SLC9A6: variants seen among roughly 807,000 people sequenced by gnomAD.
The protein encoded by SLC9A6 is sodium/hydrogen exchanger 6.
SLC9A6 carries 6 observed loss-of-function variants against 45.3 expected under a neutral mutation model. That is an observed-to-expected ratio of 0.13 (90% confidence interval 0.07 to 0.26). The LOEUF (loss-of-function observed/expected upper bound fraction) is 0.26, where lower values mean the gene tolerates loss of function less well. SLC9A6 is among the 10% of genes least tolerant of loss of function. The pLI, the probability that SLC9A6 is intolerant of heterozygous loss-of-function variation, is 1.00. For missense variants in SLC9A6, 278 were observed against 503.7 expected, an observed-to-expected ratio of 0.55 and a Z score of 4.29; for synonymous variants, 191 against 187.7, an observed-to-expected ratio of 1.02 and a Z score of -0.14.
intron 11 of SLC9A6, among the ~76,000 whole-genome samples, chrX:136,017,412 T>C (rs1286973538): frequency 3.8e-5 from 4 of 105,238 alleles, no homozygotes; most frequent in Non-Finnish European, 7.8e-5. Context: ...AGGGAGACCC[T>C]GTCTCAAAAA....
intron 13 of SLC9A6, among the ~76,000 whole-genome samples, chrX:136,028,370 C>T (rs782122565): frequency 4.5e-5 from 5 of 111,898 alleles, no homozygotes; most frequent in African/African-American, 1.6e-4. Context: ...GATAGAAGCC[C>T]TTAGGGATTA....
At chrX:136,013,085 C>T (rs782723303) in intron 9 of SLC9A6, 31 bp downstream of exon 9, 15 of 1,037,339 alleles carry the variant, frequency 1.4e-5, no homozygotes, top group Non-Finnish European at 2.0e-5. Context: ...GATTGTCAAC[C>T]CTTAAAAGGA....
At position 136,030,119 on chromosome X, in the gene SLC9A6, CTT is replaced by C; in HGVS notation, c.1551-11_1551-10del. The stretch of plus-strand genomic sequence containing the variant: ...CTTCAAAATCTCATTTGCTCTTTGT[CTT>C]TCTCCTTTAGGGTTGGTGTTGATTC... On this transcript the variant is annotated splice_polypyrimidine_tract_variant and intron_variant, in intron 14 of 17. Coordinates refer to ENST00000630721, the MANE Select transcript of SLC9A6 (RefSeq NM_001379110.1). The C allele has an allele frequency of 2.5e-6, 3 of 1,209,992 alleles. No individual in the cohort carries two copies. Among genetic ancestry groups the C allele is most frequent in the Non-Finnish European group, 3.4e-6 (3 of 893,804 alleles).
intron 7 of SLC9A6, among the ~76,000 whole-genome samples, chrX:136,004,080 CTTTTTTTTTTTT>C (rs782804669): frequency 1.2e-4 from 8 of 66,255 alleles, no homozygotes; most frequent in Non-Finnish European, 2.3e-4. Flanking sequence ...CCTCCCTAAT[CTTTTTTTTTTTT>C]TTTTTTTTTT....
intron 16 of SLC9A6, among the ~76,000 whole-genome samples, chrX:136,037,651 A>G (rs2071433780): frequency 8.9e-6 from 1 of 111,873 alleles, no homozygotes; most frequent in African/African-American, 3.2e-5. Flanking sequence ...GCTCACTGCA[A>G]CCTCTGCCTC....
At chrX:136,006,300 T>G (rs2089654467) in intron 7 of SLC9A6, among the ~76,000 whole-genome samples, 1 of 104,689 alleles carries the variant, frequency 9.6e-6, no homozygotes, top group African/African-American at 3.4e-5. Flanking sequence ...TTCTGTCTGG[T>G]TTTTTTTTTT....
intron 17 of SLC9A6, among the ~76,000 whole-genome samples, chrX:136,043,973 T>G (rs2071555765): frequency 9.0e-6 from 1 of 111,653 alleles, no homozygotes; most frequent in African/African-American, 3.3e-5. Context: ...CTAAGCCTCT[T>G]GAGGGCAGAT....
chrX:136,022,590 C>G lies in SLC9A6; in HGVS notation c.1199C>G (p.Ala400Gly). The G allele has an allele frequency of 8.6e-7, 1 of 1,158,803 alleles. No homozygotes were observed. Among genetic ancestry groups the G allele is most frequent in the Non-Finnish European group, 1.2e-6 (1 of 852,799 alleles). ...NPTFVVGAFV[A>G]IFLGRAANIY... ...TTAACCTATTAATAATTTTAGGTTG[C>G]TATTTTCTTGGGAAGAGCTGCCAAT... Residue 400 changes from alanine to glycine, a missense_variant, in exon 12 of 18, where the codon GCT becomes GGT. Physicochemically the swap from Ala to Gly is moderately conservative, Grantham distance 60. Transcript: ENST00000630721.
chrX:135,976,967 A>G (rs782414745), intron 1 of SLC9A6, among the ~76,000 whole-genome samples: 1 of 112,179 alleles, frequency 8.9e-6, no homozygotes, highest in Non-Finnish European at 1.9e-5. Flanking sequence ...GTGAGATTTT[A>G]ATTGTCTTTT....
At chrX:136,024,971 A>G (rs1483698423) in intron 13 of SLC9A6, among the ~76,000 whole-genome samples, 2 of 111,997 alleles carry the variant, frequency 1.8e-5, no homozygotes, top group African/African-American at 6.5e-5. Flanking sequence ...ACCACTGTGT[A>G]CTTGTTTGAT....
chrX:135,997,007 C>G (rs1446643751), intron 3 of SLC9A6, among the ~76,000 whole-genome samples: 1 of 110,891 alleles, frequency 9.0e-6, no homozygotes, highest in Non-Finnish European at 1.9e-5. Context: ...ACTTTGTGAT[C>G]CGCCCGCCTT....
Position 136,044,793 on chromosome X carries a change from A to G in SLC9A6, c.*69A>G, listed in dbSNP as rs1440110316. ...GATTGTGAAGAAATTTGTACTACCT[A>G]AAAGTCCCAGTGCATGTCTCTGAAT... On this transcript the variant is annotated 3_prime_UTR_variant, in exon 18 of 18. Transcript: ENST00000630721. 3.0e-6 allele frequency: 3 copies of G among 1,002,404 alleles called. No individual in the cohort carries two copies. Among genetic ancestry groups the G allele is most frequent in the African/African-American group, 3.8e-5 (2 of 53,214 alleles). The allele number at this position is 1,002,404 out of a possible 1,213,427, so 82.6% of individuals were successfully genotyped here. A position where few individuals can be genotyped will look rare whatever the true frequency, so the allele number is the denominator to read the frequency against.
chrX:136,025,505 T>G, intron 13 of SLC9A6, among the ~76,000 whole-genome samples: 1 of 112,591 alleles, frequency 8.9e-6, no homozygotes, highest in East Asian at 2.8e-4. Flanking sequence ...ACACTTTGAA[T>G]GTTGTTGTTA....
rs1363856625 is a variant in SLC9A6, at chrX:136,004,889, G to A, written c.743+2676G>A. On this transcript the variant is annotated intron_variant, in intron 7 of 17. Transcript: ENST00000630721. The stretch of plus-strand genomic sequence containing the variant: ...AAGTAAGGGAGAAATGGATAGTATG[G>A]TTATAAAAAATGTTATAAAAAATGA... Among the ~76,000 whole-genome samples, 19 of 112,272 alleles carry A rather than the reference G, an allele frequency of 1.7e-4. No homozygotes were observed. In the Middle Eastern group the frequency reaches 0.014, roughly 81 times the overall value.
chrX:135,979,622 G>A (rs2089277613), intron 1 of SLC9A6, among the ~76,000 whole-genome samples: 1 of 111,961 alleles, frequency 8.9e-6, no homozygotes, highest in Middle Eastern at 4.2e-3. Context: ...TTCCAAGACA[G>A]GTTAATCCTA....
intron 16 of SLC9A6, among the ~76,000 whole-genome samples, chrX:136,034,349 T>G (rs1456406935): frequency 5.4e-5 from 6 of 111,405 alleles, no homozygotes; most frequent in African/African-American, 9.8e-5. Context: ...TGGAACAGTT[T>G]TATCCCAAAA....
chrX:135,994,722 T>C (rs1332154050), intron 2 of SLC9A6, 64 bp from the exon 3 acceptor site: 8 of 1,029,769 alleles, frequency 7.8e-6, no homozygotes, highest in African/African-American at 1.9e-5. Context: ...TCCATAGTTA[T>C]GCGTGGGGTA....
At position 136,044,639 on chromosome X, in the gene SLC9A6, T is replaced by C. The variant is rs2071568073; in HGVS notation, c.1955T>C (p.Ile652Thr). The change falls in exon 18 of 18, where the codon ATT becomes ACT. Residue 652 changes from isoleucine to threonine, a missense_variant. Ile to Thr is a moderately conservative substitution (Grantham distance 89). Coordinates refer to ENST00000630721, the MANE Select transcript of SLC9A6 (RefSeq NM_001379110.1). Reference sequence around the variant, plus strand: ...GCATTTGGGGACCATGAACTGGTCATTCGAGGAACACGCCTGGTTCTTCCA... The same window carrying C: ...GCATTTGGGGACCATGAACTGGTCACTCGAGGAACACGCCTGGTTCTTCCA... ...ELAFGDHELV[I>T]RGTRLVLPMD... 3 of 1,207,951 alleles carry C rather than the reference T, an allele frequency of 2.5e-6. No homozygotes were observed. The highest frequency in any genetic ancestry group is 4.4e-5 in the Admixed American group (2 of 45,638).
Position 135,991,692 on chromosome X carries a change from A to G in SLC9A6, c.170-3094A>G, listed in dbSNP as rs782137864. On this transcript the variant is annotated intron_variant, in intron 2 of 17. Transcript: ENST00000630721. ...CTCCTTGTTGCCAAACCCAATGGAT[A>G]CTTCTAATGCCTGCCTTACTCGACT... Among the ~76,000 whole-genome samples, 19 of 111,483 alleles carry G rather than the reference A, an allele frequency of 1.7e-4. No individual in the cohort carries two copies. In the South Asian group the frequency reaches 5.6e-3, roughly 33 times the overall value.
Sources: gnomAD v4.1 joint callset for allele counts (sites outside exome capture counted in the v4.1 genomes callset) on GRCh38, gnomAD v4.1.1 for gene constraint, MANE v1.5 for transcripts, NCBI Gene and HGNC (gene_info 2026-07-23, HGNC 2026-07-21) for gene names.